RBFOX1: variants seen among roughly 807,000 people sequenced by gnomAD.
The protein encoded by RBFOX1 is RNA binding protein fox-1 homolog 1.
Under a neutral mutation model 57.7 loss-of-function variants are expected in RBFOX1, and 8 were observed. The observed-to-expected ratio is 0.14, with a 90% confidence interval of 0.08 to 0.25. RBFOX1 has a LOEUF of 0.25. RBFOX1 is among the 10% of genes least tolerant of loss of function. The pLI, the probability that RBFOX1 is intolerant of heterozygous loss-of-function variation, is 1.00. For missense variants in RBFOX1, 611 were observed against 548.5 expected (o/e 1.11, Z -1.14); for synonymous variants, 326 against 222.4 (o/e 1.47, Z -4.15).
At chr16:6,303,077 C>G (rs1233425870) in intron 1 of RBFOX1, among the ~76,000 whole-genome samples, 6 of 152,136 alleles carry the variant, frequency 3.9e-5, no homozygotes, top group African/African-American at 1.2e-4. Context: ...CCAAGTTTGC[C>G]TTGATCGTTT....
intron 2 of RBFOX1, among the ~76,000 whole-genome samples, chr16:6,631,917 G>C (rs2098389841): frequency 6.6e-6 from 1 of 152,200 alleles, no homozygotes; most frequent in East Asian, 1.9e-4. Context: ...AGCAGGAAAA[G>C]GTAGGAGAGG....
At chr16:6,479,356 G>A (rs561278585) in intron 2 of RBFOX1, among the ~76,000 whole-genome samples, 30 of 152,262 alleles carry the variant, frequency 2.0e-4, no homozygotes, top group Middle Eastern at 3.4e-3. Context: ...AGGACGCTGA[G>A]GCAGGCAGAT....
intron 4 of RBFOX1, among the ~76,000 whole-genome samples, chr16:7,185,618 C>T (rs1246570724): frequency 6.6e-6 from 1 of 152,164 alleles, no homozygotes; most frequent in Non-Finnish European, 1.5e-5. Flanking sequence ...AACATCTGGA[C>T]TAATATTTGT....
At chr16:5,508,476 A>G (rs2151715495) in intron 2 of RBFOX1, among the ~76,000 whole-genome samples, 1 of 152,316 alleles carries the variant, frequency 6.6e-6, no homozygotes, top group South Asian at 2.1e-4. Flanking sequence ...GCTGTGTTCT[A>G]TTCATTAAAA....
intron 2 of RBFOX1, among the ~76,000 whole-genome samples, chr16:6,653,329 G>A (rs1217410179): frequency 1.3e-5 from 2 of 152,146 alleles, no homozygotes; most frequent in Non-Finnish European, 2.9e-5. Context: ...TTGTCCAGAA[G>A]AATGTAAGCA....
chr16:7,455,785 CAAA>C (rs369544031), intron 4 of RBFOX1, among the ~76,000 whole-genome samples: 3 of 82,808 alleles, frequency 3.6e-5, no homozygotes, highest in African/African-American at 5.1e-5. Flanking sequence ...GACTCCATCT[CAAA>C]AAAAAAAAAA....
intron 2 of RBFOX1, among the ~76,000 whole-genome samples, chr16:5,486,600 C>T (rs995519371): frequency 6.6e-6 from 1 of 152,128 alleles, no homozygotes; most frequent in Admixed American, 6.5e-5. Flanking sequence ...ATACTCTGCA[C>T]AGGGACATGC....
At chr16:7,479,384 C>A (rs1387335921) in intron 4 of RBFOX1, among the ~76,000 whole-genome samples, 2 of 152,070 alleles carry the variant, frequency 1.3e-5, no homozygotes, top group Admixed American at 1.3e-4. Context: ...TCTGGCTTGG[C>A]CTCCCAAAGT....
intron 3 of RBFOX1, among the ~76,000 whole-genome samples, chr16:5,841,091 G>A (rs1055542441): frequency 6.6e-6 from 1 of 152,088 alleles, no homozygotes; most frequent in Non-Finnish European, 1.5e-5. Context: ...GAATAACCGT[G>A]GTGAATACTA....
intron 4 of RBFOX1, among the ~76,000 whole-genome samples, chr16:7,453,972 C>T (rs957670935): frequency 7.9e-5 from 12 of 152,178 alleles, no homozygotes; most frequent in Admixed American, 6.5e-4. Context: ...ATGGCTCATG[C>T]CTGAAATCTC....
intron 3 of RBFOX1, among the ~76,000 whole-genome samples, chr16:5,658,245 T>C (rs1020688440): frequency 1.3e-5 from 2 of 152,136 alleles, no homozygotes; most frequent in African/African-American, 4.8e-5. Flanking sequence ...AACAACCTGC[T>C]GGGAAGCTGA....
chr16:6,811,355 G>C (rs920851411), intron 3 of RBFOX1, among the ~76,000 whole-genome samples: 5 of 152,154 alleles, frequency 3.3e-5, no homozygotes, highest in Non-Finnish European at 5.9e-5. Context: ...ATATTATGGG[G>C]TAGGATCACT....
intron 1 of RBFOX1, among the ~76,000 whole-genome samples, chr16:5,444,652 G>C (rs192387783): frequency 2.6e-5 from 4 of 152,132 alleles, no homozygotes; most frequent in Admixed American, 6.5e-5. Context: ...TGGCTATACA[G>C]AATGGCCAGA....
chr16:5,299,962 T>G (rs1422801627), intron 1 of RBFOX1, among the ~76,000 whole-genome samples: 1 of 152,178 alleles, frequency 6.6e-6, no homozygotes, highest in Non-Finnish European at 1.5e-5. Flanking sequence ...GGATGTTTCC[T>G]TTTATTCCTA....
At chr16:6,661,771 A>G (rs1440533152) in intron 3 of RBFOX1, among the ~76,000 whole-genome samples, 5 of 152,212 alleles carry the variant, frequency 3.3e-5, no homozygotes, top group African/African-American at 1.2e-4. Context: ...CAGAATGAAC[A>G]TGGGAATGCA....
chr16:5,817,080 G>C (rs2055668800), intron 3 of RBFOX1, among the ~76,000 whole-genome samples: 1 of 152,040 alleles, frequency 6.6e-6, no homozygotes, highest in Non-Finnish European at 1.5e-5. Context: ...ATCCCATTTT[G>C]GGTTCAGCTG....
At chr16:7,630,522 T>G (rs1292524786) in intron 10 of RBFOX1, 81 bp from the exon 11 acceptor site, 19 of 1,585,980 alleles carry the variant, frequency 1.2e-5, no homozygotes, top group Non-Finnish European at 1.6e-5. Context: ...TTCTCTGCAT[T>G]TCTCGGTTGC....
chr16:7,386,376 C>T (rs1040091573), intron 4 of RBFOX1, among the ~76,000 whole-genome samples: 1 of 151,778 alleles, frequency 6.6e-6, no homozygotes, highest in African/African-American at 2.4e-5. Flanking sequence ...AAGCTATACC[C>T]CCCAGCCCCC....
chr16:5,327,926 C>A (rs1423189068), intron 1 of RBFOX1, among the ~76,000 whole-genome samples: 1 of 152,130 alleles, frequency 6.6e-6, no homozygotes, highest in African/African-American at 2.4e-5. Flanking sequence ...CCCTTTCTGG[C>A]TTTCCATATT....
Sources: gnomAD v4.1 joint callset for allele counts (sites outside exome capture counted in the v4.1 genomes callset) on GRCh38, gnomAD v4.1.1 for gene constraint, MANE v1.5 for transcripts, NCBI Gene and HGNC (gene_info 2026-07-23, HGNC 2026-07-21) for gene names.